TRIM11: variants seen among roughly 807,000 people sequenced by gnomAD.
TRIM11 encodes the protein tripartite motif containing 11.
Under a neutral mutation model 33.4 loss-of-function variants are expected in TRIM11, and 15 were observed. The observed-to-expected ratio is 0.45, with a 90% CI of 0.30 to 0.69. The LOEUF is 0.69. Among genes scored for constraint, TRIM11 ranks in the 30% least tolerant of loss-of-function variants. TRIM11 has a pLI of 0.08. For missense variants in TRIM11, 499 were observed against 667.6 expected, an observed-to-expected ratio of 0.75 and a Z score of 2.78; for synonymous variants, 281 against 302.6, an observed-to-expected ratio of 0.93 and a Z score of 0.74.
intron 5 of TRIM11, 196 bp downstream of exon 5, chr1:228,396,751 G>A: frequency 1.4e-6 from 1 of 721,170 alleles, no homozygotes; most frequent in East Asian, 2.7e-5. Flanking sequence ...AGAAGTTGAA[G>A]AATTGTTTGG....
rs959459304 is a variant in TRIM11, at chr1:228,395,479, A to C, written c.860-227T>G. On this transcript the variant is annotated intron_variant, in intron 5 of 5. Transcript: ENST00000284551. The surrounding 1 kb of genome is among the most constrained non-coding windows in gnomAD (Gnocchi z 4.8). Reference sequence around the variant, plus strand: ...CTTACAATGTCCTACAAATTGGTCCATGTTTTGCCTTCAGATATCAAGAGG... The same window carrying C: ...CTTACAATGTCCTACAAATTGGTCCCTGTTTTGCCTTCAGATATCAAGAGG... 7.4e-6 allele frequency: 3 copies of C among 403,480 alleles called. No individual in the cohort carries two copies. The Admixed American group carries it at 1.3e-4, about 18-fold the overall frequency. 25.0% of individuals were successfully genotyped at this position (403,480 alleles called of 1,614,324 possible). A position where few individuals can be genotyped will look rare whatever the true frequency, so the allele number is the denominator to read the frequency against.
At position 228,406,198 on chromosome 1, in the gene TRIM11, C is replaced by T. The variant is rs1656409913; in HGVS notation, c.364G>A (p.Ala122Thr). The change falls in exon 1 of 6, where the codon GCG (alanine) becomes ACG (threonine). Residue 122 changes from alanine (A) to threonine (T), a missense_variant. Ala to Thr is a moderately conservative substitution (Grantham distance 58). Coordinates refer to ENST00000284551, the MANE Select transcript of TRIM11 (RefSeq NM_145214.3). This position sits in a 1 kb window ranked among gnomAD's most constrained non-coding sequence, Gnocchi z 8.2. Reference sequence around the variant, plus strand: ...TCCTGCAGCGGCCGCACGCGGTGCGCCCAGTGCTCCCCAGAGCGCTCGCAG... The same window carrying T: ...TCCTGCAGCGGCCGCACGCGGTGCGTCCAGTGCTCCCCAGAGCGCTCGCAG... ...AACERSGEHW[A>T]HRVRPLQDAA... is the part of the protein sequence containing the mutation. The T allele has an allele frequency of 2.1e-6, 3 of 1,458,042 alleles. No individual in the cohort carries two copies. The highest frequency in any genetic ancestry group is 5.8e-5 in the East Asian group (2 of 34,714). 90.3% of individuals were successfully genotyped at this position (1,458,042 alleles called of 1,614,324 possible). A position where few individuals can be genotyped will look rare whatever the true frequency, so the allele number is the denominator to read the frequency against.
chr1:228,396,984 C>T lies in TRIM11; in HGVS notation c.822G>A (p.Arg274=), dbSNP rs1445830863. 2 of 1,614,096 alleles carry T rather than the reference C, an allele frequency of 1.2e-6. No homozygotes were observed. Among genetic ancestry groups the T allele is most frequent in the East Asian group, 2.2e-5 (1 of 44,850 alleles). The change falls in exon 5 of 6, where the codon AGG becomes AGA. Residue 274 remains arginine (R), a synonymous_variant. Transcript: ENST00000284551. The part of the protein sequence containing the change: ...VVPMELRTVC[R]VPGLVETLRR... ...GCAGTGTCTCTACCAGTCCCGGGACCCTGCACACGGTCCTCAGCTCCATAG... is the reference window on the plus strand; with the variant it reads ...GCAGTGTCTCTACCAGTCCCGGGACTCTGCACACGGTCCTCAGCTCCATAG...
In TRIM11 at chr1:228,394,789, G is replaced by A. The variant is rs750893271; in HGVS notation, c.1323C>T (p.Leu441=). 1.2e-6 allele frequency: 2 copies of A among 1,614,086 alleles called. No individual in the cohort carries two copies. Among genetic ancestry groups the A allele is most frequent in the Admixed American group, 1.7e-5 (1 of 60,026 alleles). ...EIPFSGTLRP[L]FSPLSSSPTP... ...TCGGGCTGCTGGACAGGGGTGAGAA[G>A]AGGGGCCGCAGCGTCCCCGAGAAGG... is the stretch of plus-strand genomic sequence containing the variant. The change falls in exon 6 of 6, where the codon CTC becomes CTT. Residue 441 remains leucine, a synonymous_variant. Transcript: ENST00000284551. The surrounding 1 kb of genome is among the most constrained non-coding windows in gnomAD (Gnocchi z 6.2).
rs781227951 is a variant in TRIM11, at chr1:228,406,535, G to A, written c.27C>T (p.Asn9=). The change falls in exon 1 of 6, where the codon AAC becomes AAT. Residue 9 remains asparagine, a synonymous_variant. Coordinates refer to ENST00000284551, the MANE Select transcript of TRIM11 (RefSeq NM_145214.3). This position sits in a 1 kb window ranked among gnomAD's most constrained non-coding sequence, Gnocchi z 8.2. ...TGGCGCAGGTGGCCTCCTCCTGGAG[G>A]TTGGTGGACAGGTCGGGGGCGGCCA... The part of the protein sequence containing the change: MAAPDLST[N]LQEEATCAIC... 2.6e-6 allele frequency: 4 copies of A among 1,565,420 alleles called. No homozygotes were observed. The highest frequency in any genetic ancestry group is 2.8e-5 in the African/African-American group (2 of 71,194).
chr1:228,394,759 CG>C lies in TRIM11; in HGVS notation c.1352del (p.Pro451ArgfsTer2). The C allele has an allele frequency of 6.2e-7, 1 of 1,613,174 alleles. No homozygotes were observed. The highest frequency in any genetic ancestry group is 8.5e-7 in the Non-Finnish European group (1 of 1,179,424). On this transcript the variant is annotated frameshift_variant, in exon 6 of 6. Transcript: ENST00000284551. LOFTEE classifies it low-confidence loss of function (END_TRUNC). This position sits in a 1 kb window ranked among gnomAD's most constrained non-coding sequence, Gnocchi z 6.2. ...CACCTTTCGGCCGGCAGATAGTCATCGGGGTCGGGCTGCTGGACAGGGGTGA... is the reference window on the plus strand; with the variant it reads ...CACCTTTCGGCCGGCAGATAGTCATCGGGTCGGGCTGCTGGACAGGGGTGA... ...LFSPLSSSPT[P>X]MTICRPKGGS... is the part of the protein sequence containing the mutation.
intron 3 of TRIM11, among the ~76,000 whole-genome samples, chr1:228,398,576 CT>C (rs1216786366): frequency 1.3e-5 from 2 of 152,184 alleles, no homozygotes; most frequent in African/African-American, 2.4e-5. Context: ...AATCACATCA[CT>C]GTACTCTAGC....
rs753557963 is a variant in TRIM11 at position 228,401,011 on chromosome 1, C to T, written c.688G>A (p.Ala230Thr). 9 of 1,604,580 alleles carry T rather than the reference C, an allele frequency of 5.6e-6. No homozygotes were observed. The highest frequency in any genetic ancestry group is 2.2e-5 in the East Asian group (1 of 44,486). Residue 230 changes from alanine to threonine, a missense_variant, in exon 3 of 6, where the codon GCC (alanine) becomes ACC (threonine). Physicochemically the swap from Ala to Thr is moderately conservative, Grantham distance 58. Transcript: ENST00000284551. The surrounding 1 kb of genome is among the most constrained non-coding windows in gnomAD (Gnocchi z 6.1). ...AGCTGGCAGCGGCCCTCGAGCTCGG[C>T]GATGAGCTCAGCTAGGTGGGCGCTC... ...QQSAHLAELI[A>T]ELEGRCQLPA...
chr1:228,406,081 C>CCAA lies in TRIM11; in HGVS notation c.408+72_408+73insTTG. 1.8e-6 allele frequency: 2 copies of CCAA among 1,083,258 alleles called. No individual in the cohort carries two copies. The highest frequency in any genetic ancestry group is 2.4e-6 in the Non-Finnish European group (2 of 819,716). The allele number at this position is 1,083,258 out of a possible 1,614,324, so 67.1% of individuals were successfully genotyped here. On this transcript the variant is annotated intron_variant, in intron 1 of 5. Coordinates refer to ENST00000284551, the MANE Select transcript of TRIM11 (RefSeq NM_145214.3). The surrounding 1 kb of genome is among the most constrained non-coding windows in gnomAD (Gnocchi z 8.2). ...ATTACTCCCGGAGCAGTCCCCCAAA[C>CCAA]CTCCCACCCGCCCAGGCCTCCCCAG...
In TRIM11 at chr1:228,406,083, T is replaced by TG; in HGVS notation, c.408+70_408+71insC. The TG allele has an allele frequency of 4.0e-5, 37 of 917,790 alleles. No individual in the cohort carries two copies. The highest frequency in any genetic ancestry group is 4.8e-5 in the Non-Finnish European group (33 of 683,024). The allele number at this position is 917,790 out of a possible 1,614,324, so 56.9% of individuals were successfully genotyped here. Reference sequence around the variant, plus strand: ...TACTCCCGGAGCAGTCCCCCAAACCTCCCACCCGCCCAGGCCTCCCCAGTC... The same window carrying TG: ...TACTCCCGGAGCAGTCCCCCAAACCTGCCCACCCGCCCAGGCCTCCCCAGTC... On this transcript the variant is annotated intron_variant, in intron 1 of 5. Coordinates refer to ENST00000284551, the MANE Select transcript of TRIM11 (RefSeq NM_145214.3). The surrounding 1 kb of genome is among the most constrained non-coding windows in gnomAD (Gnocchi z 8.2).
At chr1:228,397,196 T>A in intron 3 of TRIM11, 31 bp from the exon 4 acceptor site, 1 of 1,605,036 alleles carries the variant, frequency 6.2e-7, no homozygotes, top group South Asian at 1.1e-5. Flanking sequence ...GCACACTCGG[T>A]GTCAGTGACC....
Position 228,401,916 on chromosome 1 carries a change from A to G in TRIM11, c.504+150T>C, listed in dbSNP as rs1430737536. 1.9e-6 allele frequency: 1 copy of G among 521,396 alleles called. No homozygotes were observed. The highest frequency in any genetic ancestry group is 3.5e-5 in the East Asian group (1 of 28,866). The allele number at this position is 521,396 out of a possible 1,614,324, so 32.3% of individuals were successfully genotyped here. A position where few individuals can be genotyped will look rare whatever the true frequency, so the allele number is the denominator to read the frequency against. ...GCACGTGGGAAAGGACCAGCCCTTC[A>G]GTGGGCTCGGTGGGGCCAGGCTGAA... On this transcript the variant is annotated intron_variant, in intron 2 of 5. Transcript: ENST00000284551. The surrounding 1 kb of genome is among the most constrained non-coding windows in gnomAD (Gnocchi z 6.1).
intron 3 of TRIM11, among the ~76,000 whole-genome samples, chr1:228,399,891 CA>C (rs58986540): frequency 0.093 from 8,588 of 92,642 alleles, 893 homozygotes; most frequent in African/African-American, 0.29. Context: ...AAAAAAAAAA[CA>C]AAAAAAAAAA....
At position 228,403,052 on chromosome 1, in the gene TRIM11, G is replaced by C. The variant is rs1656286275; in HGVS notation, c.409-891C>G. 1 of 152,184 alleles carries C rather than the reference G, an allele frequency of 6.6e-6. No homozygotes were observed. Among genetic ancestry groups the C allele is most frequent in the African/African-American group, 2.4e-5 (1 of 41,420 alleles). 9.4% of individuals were successfully genotyped at this position (152,184 alleles called of 1,614,324 possible). A position where few individuals can be genotyped will look rare whatever the true frequency, so the allele number is the denominator to read the frequency against. ...TCCAGGATGGGTACACCTCCATTCT[G>C]CTTTCTTGGTCCTTAATTCTCATTC... On this transcript the variant is annotated intron_variant, in intron 1 of 5. Transcript: ENST00000284551. This position sits in a 1 kb window ranked among gnomAD's most constrained non-coding sequence, Gnocchi z 4.8.
At position 228,406,713 on chromosome 1, in the gene TRIM11, G is replaced by GGGGCGCGGGGACTCCA; in HGVS notation, c.-168_-153dup. 1.5e-6 allele frequency: 1 copy of GGGGCGCGGGGACTCCA among 679,066 alleles called. No individual in the cohort carries two copies. Among genetic ancestry groups the GGGGCGCGGGGACTCCA allele is most frequent in the Non-Finnish European group, 2.1e-6 (1 of 478,080 alleles). The allele number at this position is 679,066 out of a possible 1,614,324, so 42.1% of individuals were successfully genotyped here. A position where few individuals can be genotyped will look rare whatever the true frequency, so the allele number is the denominator to read the frequency against. ...CGGGACTCCCGGGTGCTCGGGCTCC[G>GGGGCGCGGGGACTCCA]GGGCGCGGGGACTCCAGGGCGCAGG... On this transcript the variant is annotated 5_prime_UTR_variant, in exon 1 of 6. Transcript: ENST00000284551. This position sits in a 1 kb window ranked among gnomAD's most constrained non-coding sequence, Gnocchi z 8.2.
At position 228,400,841 on chromosome 1, in the gene TRIM11, C is replaced by A. The variant is rs772792903; in HGVS notation, c.735+123G>T. On this transcript the variant is annotated intron_variant, in intron 3 of 5. Coordinates refer to ENST00000284551, the MANE Select transcript of TRIM11 (RefSeq NM_145214.3). This position sits in a 1 kb window ranked among gnomAD's most constrained non-coding sequence, Gnocchi z 4.5. ...CAACAGCCAGGCACATCCAGCCATGCCATTCACCTCTCAGCCCAGACAACC... is the reference window on the plus strand; with the variant it reads ...CAACAGCCAGGCACATCCAGCCATGACATTCACCTCTCAGCCCAGACAACC... 4.9e-6 allele frequency: 7 copies of A among 1,417,644 alleles called. No homozygotes were observed. Among genetic ancestry groups the A allele is most frequent in the Non-Finnish European group, 6.4e-6 (7 of 1,088,348 alleles). The allele number at this position is 1,417,644 out of a possible 1,614,324, so 87.8% of individuals were successfully genotyped here.
rs2075011497 is a variant in TRIM11, at chr1:228,399,313, G to A, written c.735+1651C>T. 2.0e-5 allele frequency among the ~76,000 whole-genome samples: 3 copies of A among 152,190 alleles called. No homozygotes were observed. In the South Asian group the frequency reaches 6.2e-4, roughly 31 times the overall value. On this transcript the variant is annotated intron_variant, in intron 3 of 5. Transcript: ENST00000284551. ...GACCCCCACAGCATGCAGGCCATGT[G>A]CTGGCAGGTTGGGGGGACAGGAGGG...
At position 228,393,897 on chromosome 1, in the gene TRIM11, A is replaced by C. The variant is rs2074954873; in HGVS notation, c.*808T>G. Reference sequence around the variant, plus strand: ...CGGCGGCCAGCAGTGCACATCCCCAAGCAGCAGCTGGGACCCTGGGTCCTG... The same window carrying C: ...CGGCGGCCAGCAGTGCACATCCCCACGCAGCAGCTGGGACCCTGGGTCCTG... On this transcript the variant is annotated 3_prime_UTR_variant, in exon 6 of 6. Transcript: ENST00000284551. The C allele has an allele frequency of 6.6e-6, 1 of 152,214 alleles. No homozygotes were observed. The highest frequency in any genetic ancestry group is 1.5e-5 in the Non-Finnish European group (1 of 68,054). 9.4% of individuals were successfully genotyped at this position (152,214 alleles called of 1,614,324 possible).
In TRIM11 at chr1:228,395,427, TC is replaced by T. The variant is rs1335916672; in HGVS notation, c.860-176del. Reference sequence around the variant, plus strand: ...TAACTGTCTCCAAGTGGACATCCTCTCCCCACTTAGCTACGTCCAGTTGCAA... The same window carrying T: ...TAACTGTCTCCAAGTGGACATCCTCTCCCACTTAGCTACGTCCAGTTGCAA... On this transcript the variant is annotated intron_variant, in intron 5 of 5. Coordinates refer to ENST00000284551, the MANE Select transcript of TRIM11 (RefSeq NM_145214.3). This position sits in a 1 kb window ranked among gnomAD's most constrained non-coding sequence, Gnocchi z 4.8. The T allele has an allele frequency of 7.5e-6, 4 of 531,252 alleles. No individual in the cohort carries two copies. In the East Asian group the frequency reaches 1.4e-4, roughly 18 times the overall value. 32.9% of individuals were successfully genotyped at this position (531,252 alleles called of 1,614,324 possible).
Sources: allele counts gnomAD v4.1 joint callset (sites outside exome capture counted in the v4.1 genomes callset), GRCh38; gene constraint gnomAD v4.1.1; non-coding constraint Gnocchi (gnomAD v3.1); transcripts MANE v1.5; gene names NCBI Gene and HGNC (gene_info 2026-07-23, HGNC 2026-07-21).